Variants in SPATA7 observed in about 807,000 individuals in gnomAD.
SPATA7 encodes the protein spermatogenesis-associated protein 7.
Under a neutral mutation model 51.8 loss-of-function variants are expected in SPATA7, and 43 were observed. The ratio of observed to expected loss-of-function variants is 0.83; its 90% CI spans 0.65 to 1.07. The LOEUF (loss-of-function observed/expected upper bound fraction) is 1.07. Among genes scored for constraint, SPATA7 ranks in the 50% least tolerant of loss-of-function variants. SPATA7 has a pLI of 0.00. For synonymous variants in SPATA7, 230 were observed against 252.8 expected (o/e 0.91, Z 0.86); for missense variants, 683 against 701.3 (o/e 0.97, Z 0.30).
intron 4 of SPATA7, among the ~76,000 whole-genome samples, chr14:88,464,030 G>A (rs1047079791): frequency 3.3e-5 from 5 of 151,804 alleles, no homozygotes; most frequent in African/African-American, 7.3e-5. Context: ...TAGTAGAGAC[G>A]GGGTTTCACC....
chr14:88,469,662 T>C lies in SPATA7; in HGVS notation c.255-185T>C. On this transcript the variant is annotated intron_variant, in intron 4 of 4. Transcript: ENST00000556406. This position sits in a 1 kb window ranked among gnomAD's most constrained non-coding sequence, Gnocchi z 4.3. ...GGAACCGGGTCGTGATCTTAAACCTTCCATAGGTGACAGTGTTGTGCCTGG... is the reference window on the plus strand; with the variant it reads ...GGAACCGGGTCGTGATCTTAAACCTCCCATAGGTGACAGTGTTGTGCCTGG... The C allele has an allele frequency of 6.2e-7, 1 of 1,614,122 alleles. No homozygotes were observed.
At chr14:88,429,520 C>T (rs1172166825) in intron 8 of SPATA7, 57 bp downstream of exon 8, 1 of 1,113,216 alleles carries the variant, frequency 9.0e-7, no homozygotes, top group Non-Finnish European at 1.4e-6. Context: ...TCTTGTATAA[C>T]AGACATATAG....
chr14:88,426,227 C>A lies in SPATA7; in HGVS notation c.373-5C>A. 6.2e-7 allele frequency: 1 copy of A among 1,608,434 alleles called. No homozygotes were observed. The highest frequency in any genetic ancestry group is 8.5e-7 in the Non-Finnish European group (1 of 1,175,418). ...GTTGATGACTGTCATATCGAATGTT[C>A]TTAGCCCTCAGGCGAACCGCAAATT... On this transcript the variant is annotated splice_region_variant and splice_polypyrimidine_tract_variant and intron_variant, in intron 5 of 11. Coordinates refer to ENST00000393545, the MANE Select transcript of SPATA7 (RefSeq NM_018418.5).
chr14:88,445,990 G>A (rs1409289020), intron 3 of SPATA7, among the ~76,000 whole-genome samples: 1 of 152,208 alleles, frequency 6.6e-6, no homozygotes, highest in Non-Finnish European at 1.5e-5. Context: ...TCAGGATGAT[G>A]CTGGCCTCAT....
chr14:88,411,598 C>T (rs553290827), intron 4 of SPATA7, among the ~76,000 whole-genome samples: 3 of 152,182 alleles, frequency 2.0e-5, no homozygotes, highest in Non-Finnish European at 4.4e-5. Flanking sequence ...CAGGATAGTC[C>T]CTCATGGCTT....
downstream of SPATA7, among the ~76,000 whole-genome samples, chr14:88,459,363 CTT>C (rs1378153016): frequency 1.3e-5 from 2 of 152,296 alleles, no homozygotes; most frequent in African/African-American, 4.8e-5. Flanking sequence ...GTCTAAGTCT[CTT>C]TGTAAGTCTC....
chr14:88,464,534 C>A (rs954876209), intron 4 of SPATA7, among the ~76,000 whole-genome samples: 1 of 151,986 alleles, frequency 6.6e-6, no homozygotes, highest in Non-Finnish European at 1.5e-5. Context: ...AGTTCGAGAC[C>A]AGCCTGGCCA....
intron 4 of SPATA7, among the ~76,000 whole-genome samples, chr14:88,411,539 G>A (rs972716974): frequency 6.6e-6 from 1 of 152,092 alleles, no homozygotes; most frequent in Admixed American, 6.5e-5. Context: ...GGGTTGCAAA[G>A]ACCATGGGTA....
intron 4 of SPATA7, chr14:88,466,370 T>G (rs1384269180): frequency 6.6e-6 from 1 of 152,118 alleles, no homozygotes; most frequent in Non-Finnish European, 1.5e-5. Flanking sequence ...TCTTAGGTGG[T>G]TGGTTTCTGG....
chr14:88,456,493 C>T (rs908492125), downstream of SPATA7, among the ~76,000 whole-genome samples: 9 of 152,140 alleles, frequency 5.9e-5, no homozygotes, highest in African/African-American at 2.2e-4. Flanking sequence ...AGCATTTTTT[C>T]ATGTGTCTTT....
At chr14:88,468,524 T>C (rs2069888819) in intron 4 of SPATA7, among the ~76,000 whole-genome samples, 1 of 152,174 alleles carries the variant, frequency 6.6e-6, no homozygotes, top group South Asian at 2.1e-4. Flanking sequence ...TGGACATAAT[T>C]ACCATGTCTC....
chr14:88,394,230 G>A (rs447822), intron 3 of SPATA7, among the ~76,000 whole-genome samples: 143,305 of 152,212 alleles, frequency 0.94, 67,877 homozygotes, highest in Non-Finnish European at 0.99. Context: ...TGAAGCATTT[G>A]CTACCTGGCC....
chr14:88,449,432 G>A (rs2077235772), intron 3 of SPATA7, among the ~76,000 whole-genome samples: 1 of 152,192 alleles, frequency 6.6e-6, no homozygotes, highest in Non-Finnish European at 1.5e-5. Context: ...ACTGTGGTCT[G>A]TGAGAGTACT....
At chr14:88,451,182 G>A (rs537236925) in intron 3 of SPATA7, among the ~76,000 whole-genome samples, 25 of 151,930 alleles carry the variant, frequency 1.6e-4, no homozygotes, top group East Asian at 3.9e-4. Flanking sequence ...TTTTTGTTTC[G>A]TTTTGAGATG....
intron 3 of SPATA7, among the ~76,000 whole-genome samples, chr14:88,452,164 G>T (rs1303921837): frequency 6.6e-6 from 1 of 152,170 alleles, no homozygotes; most frequent in Admixed American, 6.5e-5. Flanking sequence ...TGTCTTGAGA[G>T]CCAAACTGCA....
At chr14:88,448,801 G>T (rs2077231846) in intron 3 of SPATA7, among the ~76,000 whole-genome samples, 1 of 152,144 alleles carries the variant, frequency 6.6e-6, no homozygotes, top group South Asian at 2.1e-4. Context: ...CTGCTCGGGG[G>T]TCAGGGGTCA....
chr14:88,468,514 T>C (rs185448461), intron 4 of SPATA7, among the ~76,000 whole-genome samples: 88 of 152,308 alleles, frequency 5.8e-4, no homozygotes, highest in African/African-American at 2.1e-3. Flanking sequence ...TTTGTATGGT[T>C]GGACATAATT....
Position 88,469,091 on chromosome 14 carries a change from T to A in SPATA7, c.255-756T>A, listed in dbSNP as rs2077412621. 6 of 1,601,882 alleles carry A rather than the reference T, an allele frequency of 3.7e-6. No individual in the cohort carries two copies. The highest frequency in any genetic ancestry group is 5.1e-6 in the Non-Finnish European group (6 of 1,171,172). On this transcript the variant is annotated intron_variant, in intron 4 of 4. Coordinates refer to the SPATA7 transcript ENST00000556406. This position sits in a 1 kb window ranked among gnomAD's most constrained non-coding sequence, Gnocchi z 4.3. ...TTCAAGATATGCTGTGGAAAATCAA[T>A]GAAATAGAAAAGTACTCAAGGATCA...
chr14:88,396,280 T>C (rs1326744596), intron 4 of SPATA7, 77 bp downstream of exon 4: 1 of 1,037,946 alleles, frequency 9.6e-7, no homozygotes, highest in African/African-American at 1.6e-5. Flanking sequence ...TTTACTGTCT[T>C]AACCATTTTT....
Sources: gnomAD v4.1 joint callset for allele counts (sites outside exome capture counted in the v4.1 genomes callset) on GRCh38, gnomAD v4.1.1 for gene constraint, Gnocchi (gnomAD v3.1) non-coding constraint, MANE v1.5 for transcripts, NCBI Gene and HGNC (gene_info 2026-07-23, HGNC 2026-07-21) for gene names.